BMI1: variants seen among roughly 807,000 people sequenced by gnomAD.
The protein encoded by BMI1 is BMI1 proto-oncogene, polycomb ring finger.
Under a neutral mutation model 39.1 loss-of-function variants are expected in BMI1, and 9 were observed. The ratio of observed to expected loss-of-function variants is 0.23; its 90% CI spans 0.14 to 0.40. The LOEUF is 0.40. Among genes scored for constraint, BMI1 ranks in the 10% least tolerant of loss-of-function variants. The probability of loss-of-function intolerance (pLI) is 1.00; values close to 1 mark genes in which losing one functional copy is unlikely to be tolerated. For synonymous variants in BMI1, 131 were observed against 127.9 expected (o/e 1.02, Z -0.16); for missense variants, 252 against 390.8 (o/e 0.64, Z 2.99).
At chr10:22,328,885 C>T (rs1276154255) in intron 8 of BMI1, among the ~76,000 whole-genome samples, 163 bp from the exon 9 acceptor site, 1 of 152,142 alleles carries the variant, frequency 6.6e-6, no homozygotes, top group African/African-American at 2.4e-5. Context: ...TCCCTTAACA[C>T]TCTCTAGAAA....
intron 1 of BMI1, among the ~76,000 whole-genome samples, chr10:22,322,977 G>C (rs1005329427): frequency 5.3e-5 from 8 of 152,294 alleles, no homozygotes; most frequent in Middle Eastern, 3.4e-3. Context: ...ATATATGAAA[G>C]AGAAGCATGT....
intron 3 of BMI1, 123 bp downstream of exon 3, chr10:22,327,109 C>A: frequency 9.1e-7 from 1 of 1,102,376 alleles, no homozygotes; most frequent in Non-Finnish European, 1.3e-6. Context: ...TATGTGTGTG[C>A]TTTGTGGAGG....
intron 2 of BMI1, 65 bp from the exon 3 acceptor site, chr10:22,326,825 T>A: frequency 6.3e-7 from 1 of 1,581,726 alleles, no homozygotes; most frequent in Non-Finnish European, 8.6e-7. Flanking sequence ...GTTCTGGGTT[T>A]CTAACACCAA....
At chr10:22,331,519 TTTTTCATGATGTTTAAGACAAA>T (rs1179696209), downstream of BMI1, 1 of 151,808 alleles carries the variant, frequency 6.6e-6, no homozygotes, top group African/African-American at 2.4e-5. Flanking sequence ...TAGGCTTAAG[TTTTTCATGATGTTTAAGACAAA>T]GAAAAGTTAA....
Position 22,327,787 on chromosome 10 carries a change from C to G in BMI1, c.311C>G (p.Ala104Gly). The G allele has an allele frequency of 6.2e-7, 1 of 1,613,294 alleles. No individual in the cohort carries two copies. The highest frequency in any genetic ancestry group is 1.1e-5 in the South Asian group (1 of 91,054). The change falls in exon 5 of 10, where the codon GCT becomes GGT. Residue 104 changes from alanine to glycine, a missense_variant. This residue lies in a region of BMI1 where 67 missense variants were observed against 69.9 expected (regional missense o/e 0.96). Coordinates refer to ENST00000376663, the MANE Select transcript of BMI1 (RefSeq NM_005180.9). ...GATTTTTATGCAGCTCATCCTTCTG[C>G]TGATGGTAAACCTTTTAGGGGAGGG... ...RRDFYAAHPS[A>G]DAANGSNEDR...
Position 22,329,579 on chromosome 10 carries a change from T to G in BMI1, c.*37T>G. 1 of 1,592,504 alleles carries G rather than the reference T, an allele frequency of 6.3e-7. No homozygotes were observed. Reference sequence around the variant, plus strand: ...GTTAAGGAAAAAAATTTTAAACCCCTGATTTATATAGATATCTTCATGCCA... The same window carrying G: ...GTTAAGGAAAAAAATTTTAAACCCCGGATTTATATAGATATCTTCATGCCA... On this transcript the variant is annotated 3_prime_UTR_variant, in exon 10 of 10. Coordinates refer to ENST00000376663, the MANE Select transcript of BMI1 (RefSeq NM_005180.9).
chr10:22,328,137 G>A lies in BMI1; in HGVS notation c.429G>A (p.Leu143=), dbSNP rs954509407. ...TAATAAATTTTCTCTTTATTAGATTGGATCGGAAAGTAAACAAAGACAAAG... is the reference window on the plus strand; with the variant it reads ...TAATAAATTTTCTCTTTATTAGATTAGATCGGAAAGTAAACAAAGACAAAG... ...LSIEFFDQNR[L]DRKVNKDKEK... Residue 143 remains leucine (L), a synonymous_variant, in exon 7 of 10, where the codon TTG becomes TTA. Coordinates refer to ENST00000376663, the MANE Select transcript of BMI1 (RefSeq NM_005180.9). 1.3e-6 allele frequency: 2 copies of A among 1,599,888 alleles called. No individual in the cohort carries two copies. Among genetic ancestry groups the A allele is most frequent in the Non-Finnish European group, 1.7e-6 (2 of 1,176,032 alleles).
chr10:22,324,833 G>T (rs1335529904), intron 1 of BMI1, among the ~76,000 whole-genome samples: 1 of 152,210 alleles, frequency 6.6e-6, no homozygotes, highest in Non-Finnish European at 1.5e-5. Flanking sequence ...AATACTACAC[G>T]AAGTATTTGA....
rs371194521 is a variant in BMI1, at chr10:22,329,015, C to T, written c.571-33C>T. ...CAAAAAATGTACATTTACCTTTGTT[C>T]TTTTATTACTTAATAAAAATATTTT... On this transcript the variant is annotated intron_variant, in intron 8 of 9. Transcript: ENST00000376663. 1.2e-5 allele frequency: 19 copies of T among 1,552,062 alleles called. No individual in the cohort carries two copies. In the African/African-American group the frequency reaches 2.1e-4, roughly 17 times the overall value.
chr10:22,323,932 GAT>G (rs1836069719), intron 1 of BMI1, among the ~76,000 whole-genome samples: 1 of 152,180 alleles, frequency 6.6e-6, no homozygotes, highest in Non-Finnish European at 1.5e-5. Flanking sequence ...AAACATAACT[GAT>G]TTTTATATAA....
intron 1 of BMI1, among the ~76,000 whole-genome samples, chr10:22,322,632 C>T (rs1388299907): frequency 6.6e-6 from 1 of 152,118 alleles, no homozygotes; most frequent in African/African-American, 2.4e-5. Context: ...TTTCTCACTA[C>T]TTCTTTTTCT....
Position 22,329,639 on chromosome 10 carries a change from C to G in BMI1, c.*97C>G, listed in dbSNP as rs983949228. 2 of 1,404,052 alleles carry G rather than the reference C, an allele frequency of 1.4e-6. No homozygotes were observed. The highest frequency in any genetic ancestry group is 2.4e-5 in the East Asian group (1 of 41,940). The allele number at this position is 1,404,052 out of a possible 1,614,324, so 87.0% of individuals were successfully genotyped here. A position where few individuals can be genotyped will look rare whatever the true frequency, so the allele number is the denominator to read the frequency against. ...TCTAGATGCTAATACATGTGACTATCGTCCAATTTGCTTTCTTTTGTAGTG... is the reference window on the plus strand; with the variant it reads ...TCTAGATGCTAATACATGTGACTATGGTCCAATTTGCTTTCTTTTGTAGTG... On this transcript the variant is annotated 3_prime_UTR_variant, in exon 10 of 10. Coordinates refer to ENST00000376663, the MANE Select transcript of BMI1 (RefSeq NM_005180.9).
rs1034322141 is a variant in BMI1 at position 22,328,036 on chromosome 10, A to G, written c.403A>G (p.Ile135Val). Residue 135 changes from isoleucine to valine, a missense_variant, in exon 6 of 10, where the codon ATT becomes GTT. By Grantham distance (29) the Ile-to-Val change is conservative (BLOSUM62 3). Transcript: ENST00000376663. Reference sequence around the variant, plus strand: ...TGATGATGAGATAATAAGCTTATCCATTGAATTCTTTGACCAGAACAGGTA... The same window carrying G: ...TGATGATGAGATAATAAGCTTATCCGTTGAATTCTTTGACCAGAACAGGTA... The part of the protein sequence containing the change: ...ITDDEIISLS[I>V]EFFDQNRLDR... The G allele has an allele frequency of 1.2e-6, 2 of 1,608,098 alleles. No homozygotes were observed. The highest frequency in any genetic ancestry group is 1.7e-5 in the Admixed American group (1 of 58,888).
intron 1 of BMI1, among the ~76,000 whole-genome samples, chr10:22,323,585 A>G (rs906840825): frequency 6.6e-6 from 1 of 152,208 alleles, no homozygotes; most frequent in Non-Finnish European, 1.5e-5. Flanking sequence ...AACTGGGGCT[A>G]TGGAGTTCAT....
chr10:22,322,655 T>C (rs1169337021), intron 1 of BMI1, among the ~76,000 whole-genome samples: 1 of 152,198 alleles, frequency 6.6e-6, no homozygotes, highest in Non-Finnish European at 1.5e-5. Context: ...TTTTTCTTTT[T>C]TCCCCTTTTG....
intron 1 of BMI1, 78 bp from the exon 2 acceptor site, chr10:22,326,353 G>T: frequency 5.1e-6 from 8 of 1,569,506 alleles, no homozygotes; most frequent in African/African-American, 1.4e-5. Flanking sequence ...TATAAATTCA[G>T]TGTTTCAGGG....
At position 22,327,639 on chromosome 10, in the gene BMI1, G is replaced by C; in HGVS notation, c.254G>C (p.Gly85Ala). ...GATATTGTATACAAATTAGTTCCAG[G>C]GCTTTTCAAAAGTGAGTAACTTGCT... ...LQDIVYKLVP[G>A]LFKNEMKRRR... The change falls in exon 4 of 10, where the codon GGG becomes GCG. Residue 85 changes from glycine to alanine, a missense_variant. Gly to Ala is a moderately conservative substitution (Grantham distance 60, BLOSUM62 0). This residue lies in a region of BMI1 where 62 missense variants were observed against 123.3 expected (regional missense o/e 0.50). Coordinates refer to ENST00000376663, the MANE Select transcript of BMI1 (RefSeq NM_005180.9). 6.2e-7 allele frequency: 1 copy of C among 1,612,668 alleles called. No individual in the cohort carries two copies. Among genetic ancestry groups the C allele is most frequent in the African/African-American group, 1.3e-5 (1 of 74,948 alleles).
At chr10:22,328,317 C>T (rs2132007249) in intron 7 of BMI1, 138 bp downstream of exon 7, 2 of 963,154 alleles carry the variant, frequency 2.1e-6, no homozygotes, top group South Asian at 4.6e-5. Context: ...GAAAGGTCTA[C>T]ATGTGATATT....
At chr10:22,327,707 T>C (rs1466074263) in intron 4 of BMI1, 35 bp from the exon 5 acceptor site, 2 of 1,613,102 alleles carry the variant, frequency 1.2e-6, no homozygotes, top group Non-Finnish European at 1.7e-6. Flanking sequence ...TTCTTTGTGT[T>C]ATGCCAAATG....
Sources: allele counts gnomAD v4.1 joint callset (sites outside exome capture counted in the v4.1 genomes callset), GRCh38; gene constraint gnomAD v4.1.1; regional missense constraint gnomAD v4.1.1; transcripts MANE v1.5; gene names NCBI Gene and HGNC (gene_info 2026-07-23, HGNC 2026-07-21).